USP32: variants seen among roughly 807,000 people sequenced by gnomAD.
The protein encoded by USP32 is ubiquitin specific peptidase 32.
In USP32, 59 loss-of-function variants were observed where a neutral mutation model predicts 204.8. That is an observed-to-expected ratio of 0.29 (90% CI 0.23 to 0.36). The LOEUF is 0.36. USP32 is among the 10% of genes least tolerant of loss of function. USP32 has a pLI of 1.00. For missense variants in USP32, 1,160 were observed against 1,946.4 expected (o/e 0.60, Z 7.60); for synonymous variants, 517 against 678.4 (o/e 0.76, Z 3.70).
chr17:60,282,128 G>A (rs910822281), intron 5 of USP32, among the ~76,000 whole-genome samples: 8 of 152,144 alleles, frequency 5.3e-5, no homozygotes, highest in Non-Finnish European at 1.2e-4. Flanking sequence ...TTATTTCAAT[G>A]ACTACCACGG....
At chr17:60,389,649 A>G (rs2089794531) in intron 1 of USP32, among the ~76,000 whole-genome samples, 1 of 152,018 alleles carries the variant, frequency 6.6e-6, no homozygotes, top group Non-Finnish European at 1.5e-5. Flanking sequence ...TCTGGTTTAC[A>G]TTTAGAAATA....
intron 29 of USP32, among the ~76,000 whole-genome samples, chr17:60,186,103 A>G (rs1217886594): frequency 6.6e-6 from 1 of 152,208 alleles, no homozygotes; most frequent in Admixed American, 6.5e-5. Context: ...GAGCAAATAC[A>G]GCACCTATAT....
At chr17:60,219,508 T>C in intron 16 of USP32, 162 bp downstream of exon 16, 1 of 889,750 alleles carries the variant, frequency 1.1e-6, no homozygotes. Context: ...GGAAAGCTGA[T>C]GGGAATGTGT....
At chr17:60,220,228 A>G (rs899317427) in intron 15 of USP32, among the ~76,000 whole-genome samples, 22 of 152,270 alleles carry the variant, frequency 1.4e-4, no homozygotes, top group East Asian at 7.7e-4. Context: ...GCTGCCATCT[A>G]AAGTTTAGCA....
At chr17:60,227,582 CTTT>C (rs111424514) in intron 12 of USP32, among the ~76,000 whole-genome samples, 10 of 139,682 alleles carry the variant, frequency 7.2e-5, no homozygotes, top group African/African-American at 5.2e-5. Flanking sequence ...TTTTTCTTTT[CTTT>C]TTTTTTTTTT....
intron 1 of USP32, among the ~76,000 whole-genome samples, chr17:60,388,289 T>TAAACACACACAC (rs1555623769): frequency 7.0e-6 from 1 of 141,912 alleles, no homozygotes; most frequent in African/African-American, 2.7e-5. Context: ...AGCCGATTCT[T>TAAACACACACAC]ACACACACAC....
chr17:60,242,555 C>T (rs1413402250), intron 11 of USP32, among the ~76,000 whole-genome samples: 6 of 152,230 alleles, frequency 3.9e-5, no homozygotes, highest in East Asian at 1.9e-4. Context: ...AGACTACAGT[C>T]GTGTGCCACC....
chr17:60,273,007 C>T (rs1272293008), intron 5 of USP32, among the ~76,000 whole-genome samples: 9 of 152,124 alleles, frequency 5.9e-5, no homozygotes, highest in African/African-American at 1.4e-4. Flanking sequence ...CTCACTCTGT[C>T]GCCCAGGCTG....
chr17:60,346,894 C>T (rs918489106), intron 1 of USP32, among the ~76,000 whole-genome samples: 3 of 152,134 alleles, frequency 2.0e-5, no homozygotes, highest in African/African-American at 7.2e-5. Flanking sequence ...CAGCAAAGCA[C>T]GGAGTAGCAA....
chr17:60,402,161 C>A (rs780270995), intron 1 of USP32, among the ~76,000 whole-genome samples: 2 of 151,566 alleles, frequency 1.3e-5, no homozygotes, highest in Admixed American at 1.3e-4. Context: ...AAGGATCTTT[C>A]ATTCTAGTGG....
At chr17:60,290,440 C>T (rs1251184966) in intron 4 of USP32, among the ~76,000 whole-genome samples, 1 of 152,104 alleles carries the variant, frequency 6.6e-6, no homozygotes, top group African/African-American at 2.4e-5. Flanking sequence ...AGAGTTCCTA[C>T]CCATATTCTT....
At chr17:60,311,657 T>C (rs1296188462) in intron 2 of USP32, among the ~76,000 whole-genome samples, 3 of 152,144 alleles carry the variant, frequency 2.0e-5, no homozygotes, top group African/African-American at 7.2e-5. Flanking sequence ...ACCCTGTCTC[T>C]ACTAAAAATA....
At chr17:60,384,290 T>C (rs1013901570) in intron 1 of USP32, among the ~76,000 whole-genome samples, 13 of 152,206 alleles carry the variant, frequency 8.5e-5, no homozygotes, top group Non-Finnish European at 1.6e-4. Flanking sequence ...ATAGCAAATG[T>C]TAAAAGGCTT....
At chr17:60,355,242 T>C (rs1288981710) in intron 1 of USP32, among the ~76,000 whole-genome samples, 1 of 152,140 alleles carries the variant, frequency 6.6e-6, no homozygotes, top group South Asian at 2.1e-4. Flanking sequence ...AACTCATCAA[T>C]GATGACAGGT....
intron 31 of USP32, 129 bp downstream of exon 31, chr17:60,183,036 C>T: frequency 2.3e-6 from 3 of 1,305,680 alleles, no homozygotes; most frequent in South Asian, 3.2e-5. Context: ...AGCTCAAATA[C>T]AGATAGGTCT....
chr17:60,283,715 AG>A (rs1454975790), intron 5 of USP32, among the ~76,000 whole-genome samples: 2 of 152,052 alleles, frequency 1.3e-5, no homozygotes, highest in Non-Finnish European at 2.9e-5. Flanking sequence ...TGGCAGGGAA[AG>A]ATGAATTCAC....
Position 60,179,203 on chromosome 17 carries a change from C to G in USP32, c.*52G>C. On this transcript the variant is annotated 3_prime_UTR_variant, in exon 34 of 34. Transcript: ENST00000300896. ...TGACGCTTTTGCCAAATGTCAGCTACAAGGAGTCATCTCCCTCACCGCCAA... is the reference window on the plus strand; with the variant it reads ...TGACGCTTTTGCCAAATGTCAGCTAGAAGGAGTCATCTCCCTCACCGCCAA... 6.4e-7 allele frequency: 1 copy of G among 1,566,918 alleles called. No homozygotes were observed. The highest frequency in any genetic ancestry group is 8.7e-7 in the Non-Finnish European group (1 of 1,150,966).
intron 7 of USP32, among the ~76,000 whole-genome samples, chr17:60,269,174 A>G (rs2145781125): frequency 6.6e-6 from 1 of 152,348 alleles, no homozygotes; most frequent in South Asian, 2.1e-4. Flanking sequence ...CAATTACATC[A>G]TAGCTGATCT....
chr17:60,333,226 A>T, intron 2 of USP32, among the ~76,000 whole-genome samples: 1 of 152,330 alleles, frequency 6.6e-6, no homozygotes, highest in African/African-American at 2.4e-5. Flanking sequence ...CCAAAAACAT[A>T]AACAGTTGAT....
Sources: gnomAD v4.1 joint callset for allele counts (sites outside exome capture counted in the v4.1 genomes callset) on GRCh38, gnomAD v4.1.1 for gene constraint, MANE v1.5 for transcripts, NCBI Gene and HGNC (gene_info 2026-07-23, HGNC 2026-07-21) for gene names.